The following KDM2B variants were observed in gnomAD, a reference collection of about 807,000 sequenced individuals.
KDM2B encodes the protein lysine demethylase 2B, also known as lysine-specific demethylase 2B.
KDM2B carries 26 observed loss-of-function variants against 150.0 expected under a neutral mutation model. The observed-to-expected ratio is 0.17, with a 90% CI of 0.13 to 0.24. The LOEUF (loss-of-function observed/expected upper bound fraction) is 0.24, where lower values mean the gene tolerates loss of function less well. Ranked by LOEUF, KDM2B falls within the 10% of genes least tolerant of loss-of-function variation. KDM2B has a pLI of 1.00. For synonymous variants in KDM2B, 734 were observed against 729.5 expected, an observed-to-expected ratio of 1.01 and a Z score of -0.10; for missense variants, 1,265 against 1,816.9, an observed-to-expected ratio of 0.70 and a Z score of 5.52.
At chr12:121,557,411 T>C (rs1457862985) in intron 4 of KDM2B, among the ~76,000 whole-genome samples, 1 of 151,920 alleles carries the variant, frequency 6.6e-6, no homozygotes, top group Non-Finnish European at 1.5e-5. Flanking sequence ...CTAATTTTTT[T>C]GTATTTTTAG....
At position 121,442,740 on chromosome 12, in the gene KDM2B, G is replaced by A. The variant is rs1555288886; in HGVS notation, c.2701C>T (p.Pro901Ser). Residue 901 changes from proline (P) to serine (S), a missense_variant, in exon 19 of 23, where the codon CCC becomes TCC. Transcript: ENST00000377071. This position sits in a 1 kb window ranked among gnomAD's most constrained non-coding sequence, Gnocchi z 7.7. ...TGGTCGCTCTCCCTGGTCTTGGGGG[G>A]CGCCTCGGGCAGTTCGTCCTCGGGT... is the stretch of plus-strand genomic sequence containing the variant. ...QEPEDELPEAPPKTRESDHSR... is the reference protein window; with the variant it reads ...QEPEDELPEASPKTRESDHSR... The A allele has an allele frequency of 2.6e-6, 4 of 1,557,420 alleles. No individual in the cohort carries two copies. The highest frequency in any genetic ancestry group is 2.3e-5 in the East Asian group (1 of 44,440).
intron 4 of KDM2B, among the ~76,000 whole-genome samples, chr12:121,565,646 A>C (rs1890648394): frequency 6.7e-6 from 1 of 149,386 alleles, no homozygotes; most frequent in South Asian, 2.1e-4. Flanking sequence ...TTTTTCTGAG[A>C]TGGAGTCTCG....
intron 4 of KDM2B, among the ~76,000 whole-genome samples, chr12:121,568,398 T>C (rs1193310028): frequency 1.3e-5 from 2 of 152,038 alleles, no homozygotes; most frequent in Admixed American, 1.3e-4. Context: ...AGGCAGAGGT[T>C]GCAGTGAGCC....
At chr12:121,450,662 A>G (rs1877094548) in intron 13 of KDM2B, among the ~76,000 whole-genome samples, 1 of 152,176 alleles carries the variant, frequency 6.6e-6, no homozygotes, top group Admixed American at 6.5e-5. Flanking sequence ...GATCCAGACC[A>G]TCCTAGCCAA....
intron 1 of KDM2B, among the ~76,000 whole-genome samples, chr12:121,579,305 G>A (rs1891755043): frequency 6.6e-6 from 1 of 152,234 alleles, no homozygotes; most frequent in South Asian, 2.1e-4. Flanking sequence ...ACACGGGCTG[G>A]CGGGGCAAAT....
In KDM2B at chr12:121,520,370, G is replaced by C. The variant is rs1886583247; in HGVS notation, c.1047+615C>G. The stretch of plus-strand genomic sequence containing the variant: ...CCTCCGCCCATGTTCGTAGGACATG[G>C]GGTGAGTGAGGGAAACTTGACGTCT... On this transcript the variant is annotated intron_variant, in intron 9 of 22. Coordinates refer to ENST00000377071, the MANE Select transcript of KDM2B (RefSeq NM_032590.5). This position sits in a 1 kb window ranked among gnomAD's most constrained non-coding sequence, Gnocchi z 4.5. Among the ~76,000 whole-genome samples the C allele has an allele frequency of 6.6e-6, 1 of 152,110 alleles. No homozygotes were observed. Among genetic ancestry groups the C allele is most frequent in the African/African-American group, 2.4e-5 (1 of 41,410 alleles).
chr12:121,556,899 CA>C (rs1594120302), intron 4 of KDM2B, among the ~76,000 whole-genome samples: 1 of 149,044 alleles, frequency 6.7e-6, no homozygotes, highest in East Asian at 1.9e-4. Context: ...TATAGCAACA[CA>C]AAGTGAACTA....
At chr12:121,475,971 C>G (rs56739960) in intron 12 of KDM2B, among the ~76,000 whole-genome samples, 121 of 150,928 alleles carry the variant, frequency 8.0e-4, no homozygotes, top group African/African-American at 2.6e-3. Flanking sequence ...TGAGACCAGC[C>G]TGAGCAATAG....
intron 1 of KDM2B, chr12:121,580,012 C>T (rs782298102): frequency 3.1e-6 from 4 of 1,291,118 alleles, no homozygotes; most frequent in Non-Finnish European, 3.2e-6. Flanking sequence ...AAAAAAAAAG[C>T]TACACACCAA....
chr12:121,417,648 C>CG, the KDM2B span: 1 of 1,614,130 alleles, frequency 6.2e-7, no homozygotes, highest in Non-Finnish European at 8.5e-7. This position sits in a 1 kb window ranked among gnomAD's most constrained non-coding sequence, Gnocchi z 5.0. Context: ...GAAGGACCTG[C>CG]GGCAGTATCT....
At chr12:121,563,583 G>A (rs1890493018) in intron 4 of KDM2B, among the ~76,000 whole-genome samples, 1 of 151,004 alleles carries the variant, frequency 6.6e-6, no homozygotes, top group Non-Finnish European at 1.5e-5. Context: ...CTTCAGCCTG[G>A]GTGATAGAGT....
At chr12:121,417,989 G>T in the KDM2B span, 1 of 1,407,484 alleles carries the variant, frequency 7.1e-7, no homozygotes, top group Non-Finnish European at 9.7e-7. The surrounding 1 kb of genome is among the most constrained non-coding windows in gnomAD (Gnocchi z 5.0). Flanking sequence ...TTTAGTGCTT[G>T]ATGACTTCTG....
At chr12:121,500,679 GC>G (rs1884453988) in intron 11 of KDM2B, among the ~76,000 whole-genome samples, 1 of 152,216 alleles carries the variant, frequency 6.6e-6, no homozygotes, top group African/African-American at 2.4e-5. Flanking sequence ...CCTCCGGGGT[GC>G]CCCCTTCTAT....
intron 1 of KDM2B, chr12:121,579,927 G>A: frequency 1.4e-6 from 2 of 1,468,514 alleles, no homozygotes; most frequent in East Asian, 2.4e-5. Flanking sequence ...GGAAAGAAAA[G>A]GCAGCGAGAA....
At chr12:121,540,855 G>A (rs1372459196) in intron 6 of KDM2B, among the ~76,000 whole-genome samples, 1 of 151,522 alleles carries the variant, frequency 6.6e-6, no homozygotes, top group Non-Finnish European at 1.5e-5. Flanking sequence ...CACATCCACT[G>A]TGGGCTCTGT....
At chr12:121,510,066 C>T (rs781971474) in intron 10 of KDM2B, 27 bp from the exon 11 acceptor site, 4 of 1,514,508 alleles carry the variant, frequency 2.6e-6, no homozygotes, top group Non-Finnish European at 1.8e-6. Context: ...ACAAGAAAGA[C>T]CGAGATGACA....
intron 1 of KDM2B, chr12:121,579,940 A>C: frequency 6.6e-7 from 1 of 1,518,954 alleles, no homozygotes; most frequent in Non-Finnish European, 8.8e-7. Flanking sequence ...AGCGAGAAAC[A>C]ACCAAAAAAA....
At chr12:121,487,704 G>A (rs1555299150) in intron 12 of KDM2B, among the ~76,000 whole-genome samples, 1 of 151,632 alleles carries the variant, frequency 6.6e-6, no homozygotes, top group Admixed American at 6.6e-5. Context: ...ACCCCCAGGG[G>A]CACATTCTCA....
At chr12:121,548,760 G>A in intron 6 of KDM2B, 117 bp downstream of exon 6, 2 of 750,134 alleles carry the variant, frequency 2.7e-6, no homozygotes, top group East Asian at 2.5e-5. Context: ...TTCTGAACGG[G>A]AGCGGTTGTG....
Sources: gnomAD v4.1 joint callset for allele counts (sites outside exome capture counted in the v4.1 genomes callset) on GRCh38, gnomAD v4.1.1 for gene constraint, Gnocchi (gnomAD v3.1) non-coding constraint, MANE v1.5 for transcripts, NCBI Gene and HGNC (gene_info 2026-07-23, HGNC 2026-07-21) for gene names.